Variants in ZPBP observed in about 807,000 individuals in gnomAD.
ZPBP encodes zona pellucida-binding protein 1.
ZPBP carries 26 observed loss-of-function variants against 44.8 expected under a neutral mutation model. The observed-to-expected ratio is 0.58, with a 90% CI of 0.43 to 0.81. ZPBP has a LOEUF of 0.81. ZPBP is among the 30% of genes least tolerant of loss of function. The pLI is 0.00. For missense variants in ZPBP, 409 were observed against 434.0 expected (o/e 0.94, Z 0.51); for synonymous variants, 174 against 153.2 (o/e 1.14, Z -1.00).
chr7:50,031,680 C>A (rs1186076753), intron 4 of ZPBP, among the ~76,000 whole-genome samples: 2 of 152,124 alleles, frequency 1.3e-5, no homozygotes, highest in Non-Finnish European at 2.9e-5. Context: ...CTATGCTGCT[C>A]AAACTCAGGT....
intron 3 of ZPBP, among the ~76,000 whole-genome samples, chr7:50,075,531 G>A (rs1012246780): frequency 6.6e-5 from 10 of 151,774 alleles, no homozygotes; most frequent in African/African-American, 2.2e-4. Flanking sequence ...GACTAAGAAA[G>A]AGAGAAGATC....
intron 2 of ZPBP, among the ~76,000 whole-genome samples, chr7:49,854,142 CT>C: frequency 6.6e-6 from 1 of 152,202 alleles, no homozygotes; most frequent in African/African-American, 2.4e-5. Context: ...GGTTCCAAGT[CT>C]TTGCTATTGT....
At chr7:49,939,371 C>T (rs549335235) in intron 7 of ZPBP, among the ~76,000 whole-genome samples, 3 of 152,062 alleles carry the variant, frequency 2.0e-5, no homozygotes, top group Non-Finnish European at 4.4e-5. Flanking sequence ...ATTAATAAAC[C>T]GTCACAGTAT....
At chr7:50,017,328 G>A (rs568958116) in intron 6 of ZPBP, among the ~76,000 whole-genome samples, 14 of 152,168 alleles carry the variant, frequency 9.2e-5, no homozygotes, top group African/African-American at 1.7e-4. Context: ...CTAATGCTGC[G>A]CTTGATCTGA....
chr7:50,028,759 T>G (rs1341871792), intron 5 of ZPBP, among the ~76,000 whole-genome samples: 1 of 151,862 alleles, frequency 6.6e-6, no homozygotes, highest in Non-Finnish European at 1.5e-5. Context: ...AATAATAAAA[T>G]ACTTAGAAAT....
intron 7 of ZPBP, among the ~76,000 whole-genome samples, chr7:49,973,229 T>C (rs1428867120): frequency 1.3e-5 from 2 of 151,266 alleles, no homozygotes; most frequent in Non-Finnish European, 3.0e-5. Context: ...TTAACTCCAA[T>C]TGGACAAATT....
intron 3 of ZPBP, among the ~76,000 whole-genome samples, chr7:50,078,568 T>A (rs971616986): frequency 6.6e-6 from 1 of 150,926 alleles, no homozygotes; most frequent in Non-Finnish European, 1.5e-5. Context: ...TTAAGAAAAA[T>A]TTTTAAAAGA....
At chr7:49,911,769 C>A (rs1793452340) in intron 1 of ZPBP, among the ~76,000 whole-genome samples, 1 of 151,750 alleles carries the variant, frequency 6.6e-6, no homozygotes, top group Admixed American at 6.6e-5. Context: ...TAGTGGCATG[C>A]CCCTGTAATC....
At chr7:49,921,331 C>T (rs1392778931) in intron 1 of ZPBP, 1 of 152,140 alleles carries the variant, frequency 6.6e-6, no homozygotes. Flanking sequence ...TACTCCATAG[C>T]TATAGAGACA....
At chr7:49,976,772 A>C (rs1796534671) in intron 7 of ZPBP, among the ~76,000 whole-genome samples, 1 of 152,082 alleles carries the variant, frequency 6.6e-6, no homozygotes, top group South Asian at 2.1e-4. Flanking sequence ...GTTTCACTCA[A>C]GTAAGTTTTC....
At chr7:49,939,973 G>C (rs1424714372) in intron 7 of ZPBP, among the ~76,000 whole-genome samples, 1 of 152,114 alleles carries the variant, frequency 6.6e-6, no homozygotes, top group Non-Finnish European at 1.5e-5. Flanking sequence ...CAATGAAAAG[G>C]GATTTGTGGT....
At chr7:49,859,343 A>G (rs1021099246) in intron 2 of ZPBP, among the ~76,000 whole-genome samples, 5 of 152,176 alleles carry the variant, frequency 3.3e-5, no homozygotes, top group Non-Finnish European at 5.9e-5. Flanking sequence ...GGTTTTTAAA[A>G]TCTTATCCTC....
the ZPBP span, among the ~76,000 whole-genome samples, chr7:49,840,924 G>T: frequency 4.3e-3 from 656 of 152,272 alleles, 4 homozygotes; most frequent in African/African-American, 0.015. Context: ...CAACACTATA[G>T]TGGGTTAACA....
chr7:50,076,294 C>G (rs1802076918), intron 3 of ZPBP, among the ~76,000 whole-genome samples: 1 of 151,806 alleles, frequency 6.6e-6, no homozygotes, highest in Non-Finnish European at 1.5e-5. Flanking sequence ...ACTTATACAA[C>G]AGACCACAGC....
At chr7:49,906,321 T>C (rs1478783434) in intron 1 of ZPBP, among the ~76,000 whole-genome samples, 1 of 151,926 alleles carries the variant, frequency 6.6e-6, no homozygotes, top group East Asian at 1.9e-4. Context: ...ATATAGTAAA[T>C]ATTAACTGTC....
chr7:50,073,389 G>A (rs535177569), intron 3 of ZPBP, among the ~76,000 whole-genome samples: 1 of 152,096 alleles, frequency 6.6e-6, no homozygotes, highest in South Asian at 2.1e-4. Context: ...AAACAGTGAA[G>A]CATTCCAGAA....
intron 4 of ZPBP, among the ~76,000 whole-genome samples, chr7:50,040,138 TA>T (rs1347749894): frequency 1.3e-5 from 2 of 152,164 alleles, no homozygotes; most frequent in East Asian, 3.9e-4. Context: ...ATATCAATAA[TA>T]ACATTAAATG....
downstream of ZPBP, among the ~76,000 whole-genome samples, chr7:49,849,125 C>T (rs563022412): frequency 6.6e-6 from 1 of 152,270 alleles, no homozygotes; most frequent in East Asian, 1.9e-4. Context: ...CAGAGTTTGA[C>T]TTACATATCC....
At chr7:50,014,547 CT>C (rs1798734575) in intron 6 of ZPBP, among the ~76,000 whole-genome samples, 2 of 150,394 alleles carry the variant, frequency 1.3e-5, no homozygotes, top group African/African-American at 4.9e-5. Flanking sequence ...TCACTGCAAC[CT>C]TCACCTCCCG....
Sources: gnomAD v4.1 joint callset for allele counts (sites outside exome capture counted in the v4.1 genomes callset) on GRCh38, gnomAD v4.1.1 for gene constraint, MANE v1.5 for transcripts, NCBI Gene and HGNC (gene_info 2026-07-23, HGNC 2026-07-21) for gene names.